The following BMPR2 variants were observed in gnomAD, a reference collection of about 807,000 sequenced individuals.
BMPR2 encodes the protein bone morphogenetic protein receptor type 2.
Under a neutral mutation model 100.8 loss-of-function variants are expected in BMPR2, and 29 were observed. That is an observed-to-expected ratio of 0.29 (90% confidence interval 0.21 to 0.39). The LOEUF is 0.39. BMPR2 is among the 10% of genes least tolerant of loss of function. The pLI, the probability that BMPR2 is intolerant of heterozygous loss-of-function variation, is 1.00. For missense variants in BMPR2, 1,011 were observed against 1,274.5 expected (o/e 0.79, Z 3.15); for synonymous variants, 382 against 442.3 (o/e 0.86, Z 1.71).
chr2:202,504,155 G>A (rs1295424022), intron 3 of BMPR2, among the ~76,000 whole-genome samples: 5 of 152,126 alleles, frequency 3.3e-5, no homozygotes, highest in African/African-American at 1.2e-4. Flanking sequence ...GCAGGACGTG[G>A]GTGGGGCCAG....
intron 1 of BMPR2, among the ~76,000 whole-genome samples, chr2:202,423,007 G>A (rs1027867106): frequency 7.2e-5 from 11 of 152,054 alleles, no homozygotes; most frequent in Non-Finnish European, 1.5e-4. Flanking sequence ...ATAAAGATAG[G>A]GAGCTAGATA....
At chr2:202,463,898 G>A (rs954608572) in intron 1 of BMPR2, among the ~76,000 whole-genome samples, 1 of 151,942 alleles carries the variant, frequency 6.6e-6, no homozygotes, top group African/African-American at 2.4e-5. Context: ...GGTGGCTCAC[G>A]CCTGTAATCC....
At chr2:202,459,157 T>C (rs936508765) in intron 1 of BMPR2, among the ~76,000 whole-genome samples, 1 of 152,222 alleles carries the variant, frequency 6.6e-6, no homozygotes, top group Non-Finnish European at 1.5e-5. Context: ...TCAGCTACCA[T>C]TTGGCAGCTC....
intron 1 of BMPR2, among the ~76,000 whole-genome samples, chr2:202,405,687 CAAA>C (rs397987374): frequency 1.0e-3 from 62 of 62,298 alleles, no homozygotes; most frequent in African/African-American, 2.4e-3. Context: ...GACTCCGCCT[CAAA>C]AAAAAAAAAA....
chr2:202,464,680 TTATG>T, intron 1 of BMPR2, 125 bp from the exon 2 acceptor site: 3 of 861,758 alleles, frequency 3.5e-6, no homozygotes, highest in East Asian at 2.8e-5. Flanking sequence ...AATTAGAAAT[TTATG>T]TAAAGATTTC....
At chr2:202,434,892 A>ATATAT (rs1691576222) in intron 1 of BMPR2, among the ~76,000 whole-genome samples, 1 of 62,226 alleles carries the variant, frequency 1.6e-5, no homozygotes, top group African/African-American at 6.6e-5. Flanking sequence ...AAAAAAAAAA[A>ATATAT]AAAAAAAAAA....
intron 1 of BMPR2, among the ~76,000 whole-genome samples, chr2:202,394,968 C>G (rs889658027): frequency 6.6e-6 from 1 of 151,772 alleles, no homozygotes. Context: ...TCACTGCAAC[C>G]TCCGCCTCCC....
chr2:202,425,626 G>A (rs1052791697), intron 1 of BMPR2, among the ~76,000 whole-genome samples: 3 of 152,168 alleles, frequency 2.0e-5, no homozygotes, highest in Non-Finnish European at 4.4e-5. Context: ...TGGAGGAGTT[G>A]GTGAGTGGGA....
At position 202,456,298 on chromosome 2, in the gene BMPR2, A is replaced by G. The variant is rs185753722; in HGVS notation, c.77-8511A>G. Among the ~76,000 whole-genome samples, 430 of 150,066 alleles carry G rather than the reference A, an allele frequency of 2.9e-3. 2 individuals are homozygous for G. The highest frequency in any genetic ancestry group is 0.01 in the African/African-American group (417 of 40,934). ...ATGATTCGCCTGCCTCAGCCTCCCA[A>G]CTTGCTGGGATTACAGGCGCCCACC... On this transcript the variant is annotated intron_variant, in intron 1 of 12. Coordinates refer to ENST00000374580, the MANE Select transcript of BMPR2 (RefSeq NM_001204.7).
At chr2:202,391,466 G>A (rs1269777264) in intron 1 of BMPR2, among the ~76,000 whole-genome samples, 2 of 151,604 alleles carry the variant, frequency 1.3e-5, no homozygotes, top group African/African-American at 2.4e-5. Context: ...CACCATGCCC[G>A]GCTAATTTTT....
At position 202,377,692 on chromosome 2, in the gene BMPR2, C is replaced by T. The variant is rs922036896; in HGVS notation, c.76+142C>T. ...CAGCGGAGCTGCGACCCGGTGCCTG[C>T]GCGCCTGCCCCATGCCTTCCAGGGA... On this transcript the variant is annotated intron_variant, in intron 1 of 12. Coordinates refer to ENST00000374580, the MANE Select transcript of BMPR2 (RefSeq NM_001204.7). 1.2e-5 allele frequency: 11 copies of T among 940,194 alleles called. No homozygotes were observed. In the African/African-American group the frequency reaches 1.3e-4, roughly 11 times the overall value. The allele number at this position is 940,194 out of a possible 1,614,324, so 58.2% of individuals were successfully genotyped here.
At chr2:202,542,227 C>T in intron 9 of BMPR2, 84 bp from the exon 10 acceptor site, 1 of 1,511,784 alleles carries the variant, frequency 6.6e-7, no homozygotes, top group Non-Finnish European at 9.1e-7. Context: ...TTTTTGCTTA[C>T]TTGGTATCAG....
rs758688444 is a variant in BMPR2, at chr2:202,542,385, G to T, written c.1351G>T (p.Val451Phe). The T allele has an allele frequency of 1.8e-5, 29 of 1,613,994 alleles. No homozygotes were observed. The highest frequency in any genetic ancestry group is 2.4e-5 in the Non-Finnish European group (28 of 1,180,016). The change falls in exon 10 of 13, where the codon GTT (valine) becomes TTT (phenylalanine). Residue 451 changes from valine to phenylalanine, a missense_variant. Val to Phe is a conservative substitution (Grantham distance 50). Transcript: ENST00000374580. ...CCATCCCACTTTTGAGGATATGCAG[G>T]TTCTCGTGTCTAGGGAAAAACAGAG... ...GNHPTFEDMQ[V>F]LVSREKQRPK... is the part of the protein sequence containing the mutation.
Position 202,503,936 on chromosome 2 carries a change from C to T in BMPR2, c.419-9783C>T, listed in dbSNP as rs1175673884. Reference sequence around the variant, plus strand: ...GCTCAAGGTTTGTAAATACACCAATCAGCACCCTGTGTCTAGCTCAGGGTT... The same window carrying T: ...GCTCAAGGTTTGTAAATACACCAATTAGCACCCTGTGTCTAGCTCAGGGTT... On this transcript the variant is annotated intron_variant, in intron 3 of 12. Coordinates refer to ENST00000374580, the MANE Select transcript of BMPR2 (RefSeq NM_001204.7). This position sits in a 1 kb window ranked among gnomAD's most constrained non-coding sequence, Gnocchi z 4.0. 6.6e-6 allele frequency among the ~76,000 whole-genome samples: 1 copy of T among 152,182 alleles called. No homozygotes were observed. The highest frequency in any genetic ancestry group is 2.4e-5 in the African/African-American group (1 of 41,434).
chr2:202,540,175 A>G (rs1484704621), intron 9 of BMPR2, among the ~76,000 whole-genome samples: 1 of 152,138 alleles, frequency 6.6e-6, no homozygotes, highest in Non-Finnish European at 1.5e-5. Flanking sequence ...TATAATTTGG[A>G]CCTAATTTTT....
intron 1 of BMPR2, among the ~76,000 whole-genome samples, chr2:202,461,348 G>A (rs1484737075): frequency 6.6e-6 from 1 of 152,090 alleles, no homozygotes; most frequent in South Asian, 2.1e-4. Flanking sequence ...GCCGGGCGTG[G>A]TGATGCATGC....
chr2:202,558,546 G>T (rs1017825276), intron 12 of BMPR2, among the ~76,000 whole-genome samples: 1 of 152,232 alleles, frequency 6.6e-6, no homozygotes, highest in African/African-American at 2.4e-5. Flanking sequence ...TGAGTGGCTT[G>T]TATTACAGAT....
At chr2:202,465,094 G>GTA (rs1002199627) in intron 2 of BMPR2, 115 bp downstream of exon 2, 2 of 1,370,556 alleles carry the variant, frequency 1.5e-6, no homozygotes, top group Non-Finnish European at 2.0e-6. Flanking sequence ...ATTTAAAAGT[G>GTA]TATATATAAA....
rs1190795497 is a variant in BMPR2, at chr2:202,520,932, CA to C, written c.967+732del. 7 of 155,066 alleles carry C rather than the reference CA, an allele frequency of 4.5e-5. No individual in the cohort carries two copies. The East Asian group carries it at 7.1e-4, about 16-fold the overall frequency. 9.6% of individuals were successfully genotyped at this position (155,066 alleles called of 1,614,324 possible). ...GGCTATAGGAAAAGGCTGAAAAGAA[CA>C]TAGAGAAGAACATTGACAAATACAC... On this transcript the variant is annotated intron_variant, in intron 7 of 12. Transcript: ENST00000374580.
Sources: allele counts gnomAD v4.1 joint callset (sites outside exome capture counted in the v4.1 genomes callset), GRCh38; gene constraint gnomAD v4.1.1; non-coding constraint Gnocchi (gnomAD v3.1); transcripts MANE v1.5; gene names NCBI Gene and HGNC (gene_info 2026-07-23, HGNC 2026-07-21).